Variants in JAKMIP3 observed in about 807,000 individuals in gnomAD.
JAKMIP3 encodes the protein Janus kinase and microtubule interacting protein 3, also known as janus kinase and microtubule-interacting protein 3.
Under a neutral mutation model 118.5 loss-of-function variants are expected in JAKMIP3, and 58 were observed. That is an observed-to-expected ratio of 0.49 (90% CI 0.40 to 0.61). The LOEUF is 0.61. Ranked by LOEUF, JAKMIP3 falls within the 20% of genes least tolerant of loss-of-function variation. The pLI is 0.00. For synonymous variants in JAKMIP3, 486 were observed against 451.2 expected (o/e 1.08, Z -0.98); for missense variants, 950 against 1,109.0 (o/e 0.86, Z 2.04).
At chr10:132,120,333 G>T (rs1356979561) in intron 3 of JAKMIP3, among the ~76,000 whole-genome samples, 1 of 152,168 alleles carries the variant, frequency 6.6e-6, no homozygotes, top group East Asian at 1.9e-4. Context: ...TTGGCTGGGG[G>T]CTCACATCCC....
chr10:132,161,886 A>T (rs1421426637), intron 19 of JAKMIP3, among the ~76,000 whole-genome samples: 1 of 109,976 alleles, frequency 9.1e-6, no homozygotes, highest in Non-Finnish European at 2.2e-5. Flanking sequence ...TTCCTGTGTG[A>T]TATTGGGGGG....
At chr10:132,061,823 TAAAAC>T (rs905856980), upstream of JAKMIP3, among the ~76,000 whole-genome samples, 5 of 151,996 alleles carry the variant, frequency 3.3e-5, no homozygotes, top group African/African-American at 9.7e-5. Context: ...AACAAAAACA[TAAAAC>T]AGAGGAAAAC....
intron 1 of JAKMIP3, among the ~76,000 whole-genome samples, chr10:132,050,602 TA>T (rs1366389919): frequency 6.6e-6 from 1 of 151,996 alleles, no homozygotes; most frequent in Non-Finnish European, 1.5e-5. Context: ...CTTGAGGTTG[TA>T]AAATTATTTT....
At position 132,083,784 on chromosome 10, in the gene JAKMIP3, G is replaced by A. The variant is rs114314678; in HGVS notation, c.-138+17723G>A. On this transcript the variant is annotated intron_variant, in intron 1 of 23. Transcript: ENST00000684848. ...GGTATCCCAGCACCATTTGTTAAAAGGGTGTCCTTTCTCCACTTTGTTTTT... is the reference window on the plus strand; with the variant it reads ...GGTATCCCAGCACCATTTGTTAAAAAGGTGTCCTTTCTCCACTTTGTTTTT... Among the ~76,000 whole-genome samples, 1,238 of 152,232 alleles carry A rather than the reference G, an allele frequency of 8.1e-3. 14 individuals carry two copies. Among genetic ancestry groups the A allele is most frequent in the African/African-American group, 0.028 (1,176 of 41,536 alleles).
intron 9 of JAKMIP3, among the ~76,000 whole-genome samples, chr10:132,139,206 G>T (rs985569231): frequency 6.8e-6 from 1 of 147,734 alleles, no homozygotes; most frequent in African/African-American, 2.5e-5. Flanking sequence ...ATGAGTGTGT[G>T]TGTGTATGTG....
At chr10:132,103,116 G>A (rs1175572950) in intron 1 of JAKMIP3, among the ~76,000 whole-genome samples, 1 of 152,038 alleles carries the variant, frequency 6.6e-6, no homozygotes, top group East Asian at 1.9e-4. Context: ...TATCCTGGCT[G>A]CCTTCACTGC....
intron 1 of JAKMIP3, among the ~76,000 whole-genome samples, chr10:132,067,759 C>T (rs186546526): frequency 1.0e-3 from 131 of 130,576 alleles, no homozygotes; most frequent in Non-Finnish European, 1.8e-3. Flanking sequence ...TGTGGGCTTC[C>T]GTGTGGACTC....
chr10:132,166,929 C>G, intron 21 of JAKMIP3, 54 bp from the exon 22 acceptor site: 3 of 1,302,490 alleles, frequency 2.3e-6, no homozygotes, highest in Non-Finnish European at 3.2e-6. Flanking sequence ...GCACTACAAA[C>G]TCTTTTTTCT....
At chr10:132,128,363 C>T (rs572294012) in intron 3 of JAKMIP3, among the ~76,000 whole-genome samples, 2 of 152,258 alleles carry the variant, frequency 1.3e-5, no homozygotes, top group Admixed American at 1.3e-4. Flanking sequence ...TCATCAGTTT[C>T]AGTATGATGT....
At chr10:132,167,479 G>T (rs1029636523) in intron 22 of JAKMIP3, among the ~76,000 whole-genome samples, 15 of 152,304 alleles carry the variant, frequency 9.8e-5, no homozygotes, top group Admixed American at 2.0e-4. Context: ...GGCGGTGCTG[G>T]AGATTCAGCC....
At chr10:132,142,209 A>C (rs777124615) in intron 11 of JAKMIP3, among the ~76,000 whole-genome samples, 161 bp downstream of exon 11, 5 of 152,062 alleles carry the variant, frequency 3.3e-5, no homozygotes, top group Non-Finnish European at 5.9e-5. Flanking sequence ...AGCCGATCAA[A>C]ACCAGGGATT....
At chr10:132,139,417 T>TGC (rs548970836) in intron 9 of JAKMIP3, among the ~76,000 whole-genome samples, 8,863 of 90,124 alleles carry the variant, frequency 0.098, 866 homozygotes, top group African/African-American at 0.29. Flanking sequence ...TATGTGTGAG[T>TGC]GTGTGTGTGT....
intron 1 of JAKMIP3, among the ~76,000 whole-genome samples, chr10:132,072,165 C>A (rs576329367): frequency 1.6e-4 from 24 of 152,140 alleles, no homozygotes; most frequent in African/African-American, 5.5e-4. Context: ...CTCAGCCTCC[C>A]AAAATGCTGG....
chr10:132,080,222 C>T (rs1487005631), intron 1 of JAKMIP3, among the ~76,000 whole-genome samples: 1 of 152,190 alleles, frequency 6.6e-6, no homozygotes, highest in Non-Finnish European at 1.5e-5. Context: ...TCCACAGTGG[C>T]TGCACCATTT....
At chr10:132,149,025 G>A (rs1028369287) in intron 14 of JAKMIP3, among the ~76,000 whole-genome samples, 19 of 152,216 alleles carry the variant, frequency 1.2e-4, no homozygotes, top group Admixed American at 6.5e-5. Flanking sequence ...AGCACTGCCA[G>A]CCTGTGTTCT....
At chr10:132,107,091 C>T (rs552818899) in intron 2 of JAKMIP3, among the ~76,000 whole-genome samples, 12 of 150,980 alleles carry the variant, frequency 7.9e-5, no homozygotes, top group Non-Finnish European at 1.3e-4. Flanking sequence ...GACTGGGTCT[C>T]GCCATTTTGC....
At chr10:132,052,588 C>T (rs905380461) in intron 1 of JAKMIP3, among the ~76,000 whole-genome samples, 1 of 152,124 alleles carries the variant, frequency 6.6e-6, no homozygotes, top group Non-Finnish European at 1.5e-5. Flanking sequence ...TTGTTTGTTT[C>T]TTTGTACTTA....
At chr10:132,098,393 G>T (rs2044320785) in intron 1 of JAKMIP3, among the ~76,000 whole-genome samples, 1 of 152,198 alleles carries the variant, frequency 6.6e-6, no homozygotes, top group South Asian at 2.1e-4. Context: ...ATGGCTCACT[G>T]TCACCGTCTT....
Position 132,138,153 on chromosome 10 carries a change from G to T in JAKMIP3, c.1319G>T (p.Arg440Ile), listed in dbSNP as rs2052256410. The T allele has an allele frequency of 3.1e-6, 5 of 1,611,818 alleles. No homozygotes were observed. The highest frequency in any genetic ancestry group is 1.3e-5 in the African/African-American group (1 of 74,912). The change falls in exon 9 of 24, where the codon AGA (arginine) becomes ATA (isoleucine). Residue 440 changes from arginine to isoleucine, a missense_variant. Transcript: ENST00000684848. Reference sequence around the variant, plus strand: ...AAGCTGTTAAGATTCCGGAAGCAAAGAAAGAAAATGGCAAAACTTCCCAAG... The same window carrying T: ...AAGCTGTTAAGATTCCGGAAGCAAATAAAGAAAATGGCAAAACTTCCCAAG... ...RDKLLRFRKQ[R>I]KKMAKLPKPV...
Sources: allele counts gnomAD v4.1 joint callset (sites outside exome capture counted in the v4.1 genomes callset), GRCh38; gene constraint gnomAD v4.1.1; transcripts MANE v1.5; gene names NCBI Gene and HGNC (gene_info 2026-07-23, HGNC 2026-07-21).